ANKS1B: variants seen among roughly 807,000 people sequenced by gnomAD.
The protein encoded by ANKS1B is ankyrin repeat and sterile alpha motif domain containing 1B, also known as ankyrin repeat and sterile alpha motif domain-containing protein 1B.
ANKS1B carries 36 observed loss-of-function variants against 148.3 expected under a neutral mutation model. The observed-to-expected ratio is 0.24, with a 90% CI of 0.19 to 0.32. The LOEUF (loss-of-function observed/expected upper bound fraction) is 0.32. Ranked by LOEUF, ANKS1B falls within the 10% of genes least tolerant of loss-of-function variation. The pLI, the probability that ANKS1B is intolerant of heterozygous loss-of-function variation, is 1.00. For missense variants in ANKS1B, 1,157 were observed against 1,542.6 expected (o/e 0.75, Z 4.19); for synonymous variants, 542 against 560.8 (o/e 0.97, Z 0.47).
chr12:99,907,831 A>C (rs1273514714), intron 1 of ANKS1B, among the ~76,000 whole-genome samples: 1 of 151,282 alleles, frequency 6.6e-6, no homozygotes, highest in Non-Finnish European at 1.5e-5. Context: ...AAAAAAAAAA[A>C]AAAAAAACTG....
chr12:98,844,211 T>G (rs2153733143), intron 17 of ANKS1B, among the ~76,000 whole-genome samples: 1 of 152,354 alleles, frequency 6.6e-6, no homozygotes, highest in South Asian at 2.1e-4. Context: ...CAGTATCACC[T>G]AACTTGTGTA....
intron 8 of ANKS1B, among the ~76,000 whole-genome samples, chr12:99,663,778 CAAGAA>C (rs1392860668): frequency 6.6e-6 from 1 of 152,062 alleles, no homozygotes; most frequent in Non-Finnish European, 1.5e-5. Context: ...GTTTTAGTTG[CAAGAA>C]ATATTGAACA....
intron 11 of ANKS1B, among the ~76,000 whole-genome samples, chr12:99,401,665 A>C (rs970110219): frequency 2.0e-5 from 3 of 146,922 alleles, no homozygotes; most frequent in African/African-American, 7.7e-5. Flanking sequence ...GCACTGTGAT[A>C]GGAATAAAAC....
At chr12:99,293,857 G>T (rs2080425703) in intron 12 of ANKS1B, among the ~76,000 whole-genome samples, 1 of 152,168 alleles carries the variant, frequency 6.6e-6, no homozygotes, top group African/African-American at 2.4e-5. Context: ...ATTTAAAAAT[G>T]GGCAAAATAT....
At chr12:99,593,793 G>A (rs888732397) in intron 9 of ANKS1B, among the ~76,000 whole-genome samples, 3 of 152,010 alleles carry the variant, frequency 2.0e-5, no homozygotes, top group African/African-American at 7.2e-5. Context: ...TAAATTCCAT[G>A]AGAACTTATT....
At chr12:99,973,247 T>C (rs1350946698) in intron 1 of ANKS1B, among the ~76,000 whole-genome samples, 4 of 152,190 alleles carry the variant, frequency 2.6e-5, no homozygotes, top group Non-Finnish European at 4.4e-5. Context: ...TTTTGTAAGG[T>C]TATAGCTGCC....
chr12:99,881,835 CA>C (rs1207549804), intron 1 of ANKS1B, among the ~76,000 whole-genome samples: 4 of 152,256 alleles, frequency 2.6e-5, no homozygotes, highest in African/African-American at 7.2e-5. Flanking sequence ...CAACATTCAC[CA>C]TAGGATGTAA....
intron 12 of ANKS1B, among the ~76,000 whole-genome samples, chr12:99,279,612 T>C (rs866433281): frequency 7.2e-5 from 11 of 152,316 alleles, no homozygotes; most frequent in South Asian, 2.1e-4. Flanking sequence ...TTTTGACAAA[T>C]GCTGATTAGC....
chr12:99,516,426 C>A (rs2096821723), intron 9 of ANKS1B, among the ~76,000 whole-genome samples: 1 of 152,044 alleles, frequency 6.6e-6, no homozygotes, highest in Non-Finnish European at 1.5e-5. Context: ...GGAACAAGAT[C>A]ATGTCCTTTG....
chr12:99,084,775 C>T (rs2051042664), intron 16 of ANKS1B, 150 bp downstream of exon 16: 4 of 602,292 alleles, frequency 6.6e-6, no homozygotes, highest in African/African-American at 3.8e-5. Context: ...TCTCATAAGT[C>T]TGAATGTGCA....
intron 9 of ANKS1B, among the ~76,000 whole-genome samples, chr12:99,541,292 G>A (rs1199789311): frequency 6.6e-6 from 1 of 151,998 alleles, no homozygotes; most frequent in Non-Finnish European, 1.5e-5. Context: ...TAGGAATCTT[G>A]TATTACACTA....
rs373363012 is a variant in ANKS1B at position 99,159,751 on chromosome 12, T to C, written c.2420-5356A>G. Among the ~76,000 whole-genome samples the C allele has an allele frequency of 3.3e-4, 50 of 152,344 alleles. No homozygotes were observed. The South Asian group carries it at 9.1e-3, about 28-fold the overall frequency. ...TTTCTTTTGGATATAGACCCAGTAA[T>C]GGGACTGCTGGGTCAAATGGTAGTT... On this transcript the variant is annotated intron_variant, in intron 14 of 26. Coordinates refer to ENST00000683438, the MANE Select transcript of ANKS1B (RefSeq NM_001352186.2).
At chr12:99,859,653 G>GTT (rs141499597) in intron 1 of ANKS1B, among the ~76,000 whole-genome samples, 26 of 144,838 alleles carry the variant, frequency 1.8e-4, no homozygotes, top group African/African-American at 6.0e-4. Context: ...TTTTGTTTTT[G>GTT]TTTTTTTTTT....
At position 99,894,521 on chromosome 12, in the gene ANKS1B, A is replaced by AAAAC. The variant is rs1555231547; in HGVS notation, c.135-69133_135-69132insGTTT. ...GGGACCCTGTCTCAAAAAAAAAAAA[A>AAAAC]AAAAAAAAACAAGGTACAAATCGTG... On this transcript the variant is annotated intron_variant, in intron 1 of 26. Transcript: ENST00000683438. Among the ~76,000 whole-genome samples, 413 of 145,438 alleles carry AAAAC rather than the reference A, an allele frequency of 2.8e-3. 7 individuals carry two copies. Among genetic ancestry groups the AAAAC allele is most frequent in the African/African-American group, 9.7e-3 (384 of 39,618 alleles).
At chr12:99,699,456 GC>G (rs2054463895) in intron 8 of ANKS1B, among the ~76,000 whole-genome samples, 1 of 151,904 alleles carries the variant, frequency 6.6e-6, no homozygotes, top group Admixed American at 6.6e-5. Context: ...CATCCCCTTT[GC>G]CCTTAGTCCA....
chr12:99,227,965 C>T (rs1392496333), intron 14 of ANKS1B, among the ~76,000 whole-genome samples: 2 of 151,688 alleles, frequency 1.3e-5, no homozygotes, highest in African/African-American at 4.8e-5. Context: ...TGGCAATATC[C>T]CTAGAAGAAC....
chr12:99,017,900 T>C (rs2099943495), intron 17 of ANKS1B, among the ~76,000 whole-genome samples: 1 of 152,176 alleles, frequency 6.6e-6, no homozygotes, highest in African/African-American at 2.4e-5. Context: ...CTCACTAGTA[T>C]GTAATCACTT....
chr12:99,464,576 C>G (rs1458619003), intron 10 of ANKS1B, among the ~76,000 whole-genome samples: 1 of 152,022 alleles, frequency 6.6e-6, no homozygotes, highest in Non-Finnish European at 1.5e-5. Flanking sequence ...ACTAGAATAA[C>G]CAATACAGAG....
intron 14 of ANKS1B, among the ~76,000 whole-genome samples, chr12:99,180,699 A>G (rs889675677): frequency 1.3e-5 from 2 of 151,098 alleles, no homozygotes; most frequent in African/African-American, 4.9e-5. Context: ...ACCAAAATTG[A>G]AAGCACCATG....
Sources: gnomAD v4.1 joint callset for allele counts (sites outside exome capture counted in the v4.1 genomes callset) on GRCh38, gnomAD v4.1.1 for gene constraint, MANE v1.5 for transcripts, NCBI Gene and HGNC (gene_info 2026-07-23, HGNC 2026-07-21) for gene names.